The following LRRC31 variants were observed in gnomAD, a reference collection of about 807,000 sequenced individuals.
LRRC31 encodes leucine-rich repeat-containing protein 31.
In LRRC31, 35 loss-of-function variants were observed where a neutral mutation model predicts 46.7. The observed-to-expected ratio is 0.75, with a 90% CI of 0.57 to 0.99. The LOEUF (loss-of-function observed/expected upper bound fraction) is 0.99. LRRC31 is among the 50% of genes least tolerant of loss of function. The probability of loss-of-function intolerance (pLI) is 0.00; values close to 1 mark genes in which losing one functional copy is unlikely to be tolerated. For synonymous variants in LRRC31, 236 were observed against 235.1 expected, an observed-to-expected ratio of 1.00 and a Z score of -0.03; for missense variants, 613 against 626.1, an observed-to-expected ratio of 0.98 and a Z score of 0.22.
intron 8 of LRRC31, among the ~76,000 whole-genome samples, chr3:169,845,617 T>C (rs1410157139): frequency 6.6e-6 from 1 of 152,184 alleles, no homozygotes; most frequent in Non-Finnish European, 1.5e-5. Flanking sequence ...TGGATAGTCT[T>C]TTCAGTTAAT....
At chr3:169,849,973 G>A (rs765116376) in intron 7 of LRRC31, among the ~76,000 whole-genome samples, 2 of 152,118 alleles carry the variant, frequency 1.3e-5, no homozygotes, top group Non-Finnish European at 2.9e-5. Context: ...GGCCTGCTAC[G>A]TTAACTCTTT....
chr3:169,851,447 G>C (rs1780763264), intron 7 of LRRC31, among the ~76,000 whole-genome samples, 172 bp downstream of exon 7: 1 of 152,014 alleles, frequency 6.6e-6, no homozygotes, highest in Non-Finnish European at 1.5e-5. Context: ...GCACATACTA[G>C]AATCATTTTT....
chr3:169,864,038 T>C (rs1447442550), intron 1 of LRRC31, among the ~76,000 whole-genome samples: 1 of 151,694 alleles, frequency 6.6e-6, no homozygotes, highest in East Asian at 1.9e-4. Flanking sequence ...GTTATTTTTG[T>C]ATTTTAAAAA....
At chr3:169,861,909 T>C (rs1781179832) in intron 1 of LRRC31, 96 bp from the exon 2 acceptor site, 5 of 1,262,042 alleles carry the variant, frequency 4.0e-6, no homozygotes, top group Non-Finnish European at 5.5e-6. Flanking sequence ...ACTGCATAAC[T>C]CTGAATTGCT....
At chr3:169,863,482 AG>A (rs1333181610) in intron 1 of LRRC31, among the ~76,000 whole-genome samples, 1 of 152,240 alleles carries the variant, frequency 6.6e-6, no homozygotes, top group African/African-American at 2.4e-5. Flanking sequence ...AATGATTAGC[AG>A]GATAATAAAA....
At chr3:169,861,909 T>A in intron 1 of LRRC31, 96 bp from the exon 2 acceptor site, 1 of 1,262,040 alleles carries the variant, frequency 7.9e-7, no homozygotes. Flanking sequence ...ACTGCATAAC[T>A]CTGAATTGCT....
At chr3:169,861,269 A>G (rs1328025913) in intron 2 of LRRC31, among the ~76,000 whole-genome samples, 2 of 150,744 alleles carry the variant, frequency 1.3e-5, no homozygotes, top group Non-Finnish European at 2.9e-5. Flanking sequence ...GGGTTTCACC[A>G]TCTTGGCCAG....
rs1781379321 is a variant in LRRC31, at chr3:169,867,862, A to T, written c.175+1771T>A. Among the ~76,000 whole-genome samples the T allele has an allele frequency of 2.6e-5, 4 of 152,314 alleles. No individual in the cohort carries two copies. The South Asian group carries it at 8.3e-4, about 32-fold the overall frequency. ...TGAATTTGCAATCCCTGTTCTGGAA[A>T]TTTATACTTTAAAAATAGCTGAAAT... On this transcript the variant is annotated intron_variant, in intron 1 of 8. Coordinates refer to ENST00000316428, the MANE Select transcript of LRRC31 (RefSeq NM_024727.4).
chr3:169,859,554 G>A (rs1054147288), intron 3 of LRRC31, among the ~76,000 whole-genome samples: 1 of 152,154 alleles, frequency 6.6e-6, no homozygotes, highest in Non-Finnish European at 1.5e-5. Context: ...AGAATAAAAA[G>A]TATCAAAGAC....
At position 169,854,900 on chromosome 3, in the gene LRRC31, A is replaced by G. The variant is rs758834983; in HGVS notation, c.904T>C (p.Ser302Pro). The G allele has an allele frequency of 1.4e-5, 22 of 1,613,688 alleles. No individual in the cohort carries two copies. The highest frequency in any genetic ancestry group is 1.3e-4 in the Admixed American group (8 of 60,000). ...NKDLGGGFED[S>P]PAQLVMLKHL... ...TTTAGCATGACCAACTGAGCCGGCG[A>G]GTCTTCAAAACCTCCACCTAGATCC... is the stretch of plus-strand genomic sequence containing the variant. The change falls in exon 6 of 9, where the codon TCG (serine) becomes CCG (proline). Residue 302 changes from serine to proline, a missense_variant. By Grantham distance (74) the Ser-to-Pro change is moderately conservative. Transcript: ENST00000316428.
At chr3:169,858,865 G>A (rs1422045903) in intron 3 of LRRC31, among the ~76,000 whole-genome samples, 3 of 152,054 alleles carry the variant, frequency 2.0e-5, no homozygotes, top group Non-Finnish European at 4.4e-5. Context: ...AATTAGCCAG[G>A]CATGGTGGTA....
rs1177486184 is a variant in LRRC31 at position 169,840,326 on chromosome 3, A to G, written c.1328-13T>C. The G allele has an allele frequency of 5.6e-6, 9 of 1,613,598 alleles. No homozygotes were observed. In the South Asian group the frequency reaches 8.8e-5, roughly 16 times the overall value. On this transcript the variant is annotated splice_polypyrimidine_tract_variant and intron_variant, in intron 8 of 8. Coordinates refer to ENST00000316428, the MANE Select transcript of LRRC31 (RefSeq NM_024727.4). ...TGTATGACCGATGCTGGAAAACAGA[A>G]TCACTCTAAATGCTAACATACAAGA... is the stretch of plus-strand genomic sequence containing the variant.
At chr3:169,867,585 C>A (rs75056655) in intron 1 of LRRC31, among the ~76,000 whole-genome samples, 4,505 of 151,806 alleles carry the variant, frequency 0.03, 231 homozygotes, top group African/African-American at 0.1. Flanking sequence ...ATTGCCCAGG[C>A]TGGTCTTAAA....
intron 1 of LRRC31, among the ~76,000 whole-genome samples, chr3:169,866,201 G>A (rs1781327215): frequency 6.6e-6 from 1 of 152,152 alleles, no homozygotes; most frequent in Non-Finnish European, 1.5e-5. Flanking sequence ...AGCAAGACTG[G>A]AAGCAGAGAA....
intron 1 of LRRC31, among the ~76,000 whole-genome samples, chr3:169,868,089 A>G (rs1781384971): frequency 6.6e-6 from 1 of 152,238 alleles, no homozygotes; most frequent in Non-Finnish European, 1.5e-5. Context: ...AGCTCCACAT[A>G]AACTCAGGAG....
intron 4 of LRRC31, 42 bp from the exon 5 acceptor site, chr3:169,856,545 G>A (rs1369995241): frequency 1.3e-6 from 2 of 1,526,796 alleles, no homozygotes; most frequent in South Asian, 1.3e-5. Flanking sequence ...AGGTAGGAGG[G>A]GAGTGGAGTT....
chr3:169,852,572 C>CT (rs1780820466), intron 6 of LRRC31, among the ~76,000 whole-genome samples: 1 of 152,170 alleles, frequency 6.6e-6, no homozygotes, highest in South Asian at 2.1e-4. Context: ...AATGTAAGTA[C>CT]CAGTAAGGCA....
chr3:169,846,610 T>C (rs1472338072), intron 8 of LRRC31, among the ~76,000 whole-genome samples: 2 of 151,914 alleles, frequency 1.3e-5, no homozygotes, highest in Non-Finnish European at 2.9e-5. Context: ...ATCATGCTAC[T>C]TCATTCCAGC....
intron 6 of LRRC31, 58 bp from the exon 7 acceptor site, chr3:169,851,844 G>C (rs910875505): frequency 6.4e-7 from 1 of 1,556,184 alleles, no homozygotes; most frequent in African/African-American, 1.4e-5. Context: ...GAGTCTTCTG[G>C]GTGTTTGGTT....
Sources: allele counts gnomAD v4.1 joint callset (sites outside exome capture counted in the v4.1 genomes callset), GRCh38; gene constraint gnomAD v4.1.1; transcripts MANE v1.5; gene names NCBI Gene and HGNC (gene_info 2026-07-23, HGNC 2026-07-21).